Variants in MSRA observed in about 807,000 individuals in gnomAD.
MSRA encodes mitochondrial peptide methionine sulfoxide reductase.
Under a neutral mutation model 31.3 loss-of-function variants are expected in MSRA, and 54 were observed. The observed-to-expected ratio is 1.73, with a 90% confidence interval of 1.39 to 2.17. The LOEUF (loss-of-function observed/expected upper bound fraction) is 2.17, where lower values mean the gene tolerates loss of function less well. MSRA is among the 30% of genes most tolerant of loss of function. The pLI, the probability that MSRA is intolerant of heterozygous loss-of-function variation, is 0.00. For synonymous variants in MSRA, 169 were observed against 116.5 expected, an observed-to-expected ratio of 1.45 and a Z score of -2.90; for missense variants, 507 against 300.9, an observed-to-expected ratio of 1.69 and a Z score of -5.07.
chr8:10,271,897 T>C (rs1799062850), intron 3 of MSRA, among the ~76,000 whole-genome samples: 1 of 152,138 alleles, frequency 6.6e-6, no homozygotes, highest in Non-Finnish European at 1.5e-5. Context: ...TTTGTATTTT[T>C]AGTAAAGACA....
intron 2 of MSRA, among the ~76,000 whole-genome samples, chr8:10,210,516 T>A (rs1243468985): frequency 1.3e-5 from 2 of 152,156 alleles, no homozygotes; most frequent in Non-Finnish European, 2.9e-5. Flanking sequence ...AGAAGTAGCC[T>A]TTGCTGGGAG....
rs557193336 is a variant in MSRA at position 10,391,755 on chromosome 8, G to A, written c.544-36393G>A. On this transcript the variant is annotated intron_variant, in intron 5 of 5. Coordinates refer to ENST00000317173, the MANE Select transcript of MSRA (RefSeq NM_012331.5). ...TGCCCTGCCGTAGGGTCCAAGAAGAGCATTTCATGTCCTTATTTGTTTGTG... is the reference window on the plus strand; with the variant it reads ...TGCCCTGCCGTAGGGTCCAAGAAGAACATTTCATGTCCTTATTTGTTTGTG... Among the ~76,000 whole-genome samples, 6 of 152,320 alleles carry A rather than the reference G, an allele frequency of 3.9e-5. No individual in the cohort carries two copies. In the South Asian group the frequency reaches 1.0e-3, roughly 26 times the overall value.
chr8:10,094,416 G>T (rs1799016137), intron 1 of MSRA, among the ~76,000 whole-genome samples: 1 of 152,220 alleles, frequency 6.6e-6, no homozygotes, highest in Admixed American at 6.5e-5. Context: ...GATTGGCGGA[G>T]CACACAAACT....
intron 1 of MSRA, among the ~76,000 whole-genome samples, chr8:10,156,667 T>A (rs1434353562): frequency 6.6e-6 from 1 of 152,166 alleles, no homozygotes; most frequent in Admixed American, 6.5e-5. Flanking sequence ...TTCTGCAAGA[T>A]GAGCATATTC....
At chr8:10,248,876 A>C (rs1400692962) in intron 3 of MSRA, among the ~76,000 whole-genome samples, 2 of 152,236 alleles carry the variant, frequency 1.3e-5, no homozygotes, top group Non-Finnish European at 1.5e-5. Context: ...AAAGTCGCCC[A>C]TTGAGAGTGG....
intron 1 of MSRA, among the ~76,000 whole-genome samples, chr8:10,148,588 A>G (rs891466791): frequency 2.0e-5 from 3 of 152,050 alleles, no homozygotes; most frequent in Non-Finnish European, 4.4e-5. Flanking sequence ...CAGAGGTTGC[A>G]GTGAACTGAG....
intron 1 of MSRA, among the ~76,000 whole-genome samples, chr8:10,154,640 G>A (rs1022283358): frequency 6.6e-6 from 1 of 152,118 alleles, no homozygotes; most frequent in African/African-American, 2.4e-5. Context: ...GCCTCCCAAA[G>A]TGCTGGGATT....
intron 5 of MSRA, among the ~76,000 whole-genome samples, chr8:10,381,560 G>A (rs911045464): frequency 1.3e-5 from 2 of 152,170 alleles, no homozygotes; most frequent in African/African-American, 4.8e-5. Context: ...AAATCCATCT[G>A]CTGTCCTGGA....
chr8:10,344,213 T>C (rs1466856275), intron 5 of MSRA, among the ~76,000 whole-genome samples: 1 of 152,180 alleles, frequency 6.6e-6, no homozygotes, highest in African/African-American at 2.4e-5. Flanking sequence ...GCAAGTGCCT[T>C]GACTCTCTGG....
At chr8:10,208,217 T>G (rs1310792438) in intron 2 of MSRA, among the ~76,000 whole-genome samples, 1 of 152,186 alleles carries the variant, frequency 6.6e-6, no homozygotes, top group Non-Finnish European at 1.5e-5. Context: ...ACGGATTTTT[T>G]TTTTTTCCAC....
At chr8:10,301,354 G>C (rs1800833197) in intron 3 of MSRA, among the ~76,000 whole-genome samples, 180 bp from the exon 4 acceptor site, 1 of 152,026 alleles carries the variant, frequency 6.6e-6, no homozygotes, top group Non-Finnish European at 1.5e-5. Context: ...ATGCTTTTAT[G>C]GAAAAAGAAC....
intron 5 of MSRA, among the ~76,000 whole-genome samples, chr8:10,380,622 G>C (rs1049076749): frequency 3.3e-5 from 5 of 152,208 alleles, no homozygotes; most frequent in African/African-American, 1.2e-4. Flanking sequence ...TTTCTAGACT[G>C]AGGGCCATTT....
intron 3 of MSRA, among the ~76,000 whole-genome samples, chr8:10,259,379 A>G (rs913987186): frequency 6.6e-5 from 10 of 152,208 alleles, no homozygotes; most frequent in Non-Finnish European, 1.5e-4. Flanking sequence ...TGCAGTTACA[A>G]GAAGAGTTAA....
intron 5 of MSRA, among the ~76,000 whole-genome samples, chr8:10,373,626 C>T (rs1805597681): frequency 6.6e-6 from 1 of 152,206 alleles, no homozygotes; most frequent in Non-Finnish European, 1.5e-5. Flanking sequence ...GGAAGGGGAT[C>T]AGGGTTGGCT....
At chr8:10,239,575 T>C (rs761035605) in intron 2 of MSRA, among the ~76,000 whole-genome samples, 32 of 152,238 alleles carry the variant, frequency 2.1e-4, no homozygotes, top group Non-Finnish European at 3.4e-4. Context: ...AGGACGATTG[T>C]ACCTGGCAAA....
intron 5 of MSRA, among the ~76,000 whole-genome samples, chr8:10,413,699 A>G (rs1339821749): frequency 6.6e-6 from 1 of 151,968 alleles, no homozygotes; most frequent in Non-Finnish European, 1.5e-5. Context: ...ATTCAAAGAT[A>G]CAATAACTTT....
At chr8:10,111,615 A>G (rs936098904) in intron 1 of MSRA, among the ~76,000 whole-genome samples, 1 of 152,222 alleles carries the variant, frequency 6.6e-6, no homozygotes, top group Non-Finnish European at 1.5e-5. Flanking sequence ...GGCAAAATAT[A>G]TGAATGCCTA....
At chr8:10,387,256 A>G (rs768372669) in intron 5 of MSRA, among the ~76,000 whole-genome samples, 45 of 152,248 alleles carry the variant, frequency 3.0e-4, no homozygotes, top group Non-Finnish European at 2.5e-4. Flanking sequence ...GAACAGTTCT[A>G]TAATGTTCAA....
At chr8:10,131,264 A>G (rs1000615319) in intron 1 of MSRA, among the ~76,000 whole-genome samples, 1 of 152,224 alleles carries the variant, frequency 6.6e-6, no homozygotes, top group African/African-American at 2.4e-5. Context: ...GGCAATGACA[A>G]TGCAAATAAA....
Sources: gnomAD v4.1 joint callset for allele counts (sites outside exome capture counted in the v4.1 genomes callset) on GRCh38, gnomAD v4.1.1 for gene constraint, MANE v1.5 for transcripts, NCBI Gene and HGNC (gene_info 2026-07-23, HGNC 2026-07-21) for gene names.